The following AREL1 variants were observed in gnomAD, a reference collection of about 807,000 sequenced individuals.
The protein encoded by AREL1 is apoptosis resistant E3 ubiquitin protein ligase 1.
AREL1 carries 62 observed loss-of-function variants against 99.0 expected under a neutral mutation model. The observed-to-expected ratio is 0.63, with a 90% CI of 0.51 to 0.77. The LOEUF is 0.77. Ranked by LOEUF, AREL1 falls within the 30% of genes least tolerant of loss-of-function variation. The probability of loss-of-function intolerance (pLI) is 0.00; values close to 1 mark genes in which losing one functional copy is unlikely to be tolerated. For missense variants in AREL1, 879 were observed against 1,027.6 expected, an observed-to-expected ratio of 0.86 and a Z score of 1.98; for synonymous variants, 380 against 376.5, an observed-to-expected ratio of 1.01 and a Z score of -0.11.
chr14:74,677,069 G>A (rs775909332), intron 5 of AREL1, among the ~76,000 whole-genome samples: 2 of 151,792 alleles, frequency 1.3e-5, no homozygotes, highest in Non-Finnish European at 2.9e-5. Flanking sequence ...AAAGTGCTGG[G>A]ATTACAGGCG....
intron 12 of AREL1, 113 bp downstream of exon 12, chr14:74,671,294 TA>T: frequency 2.4e-6 from 1 of 412,128 alleles, no homozygotes; most frequent in South Asian, 3.5e-5. Context: ...TTTTTTTTTT[TA>T]GGGAGTGAGT....
chr14:74,706,660 G>T (rs966003279), intron 1 of AREL1, among the ~76,000 whole-genome samples: 1 of 152,132 alleles, frequency 6.6e-6, no homozygotes, highest in Admixed American at 6.5e-5. Flanking sequence ...ATTAAGAAGC[G>T]ACCACATGCC....
At position 74,683,461 on chromosome 14, in the gene AREL1, C is replaced by G; in HGVS notation, c.316G>C (p.Glu106Gln). 2 of 1,614,022 alleles carry G rather than the reference C, an allele frequency of 1.2e-6. No homozygotes were observed. Among genetic ancestry groups the G allele is most frequent in the South Asian group, 1.1e-5 (1 of 91,076 alleles). Residue 106 changes from glutamate (E) to glutamine (Q), a missense_variant, in exon 5 of 20, where the codon GAG (glutamate) becomes CAG (glutamine). Glu to Gln is a conservative substitution (Grantham distance 29). Coordinates refer to ENST00000356357, the MANE Select transcript of AREL1 (RefSeq NM_001039479.2). The stretch of plus-strand genomic sequence containing the variant: ...GTCACTGGAATTTCCACTGCTAGCT[C>G]GACATGAGAGATGTGAACTCTTAGT... ...VGLRVHISHV[E>Q]LAVEIPVTQE...
chr14:74,670,007 G>T lies in AREL1; in HGVS notation c.1728C>A (p.Val576=). The T allele has an allele frequency of 6.2e-7, 1 of 1,614,050 alleles. No homozygotes were observed. The highest frequency in any genetic ancestry group is 1.1e-5 in the South Asian group (1 of 91,088). ...GGAAAGAGCGGGTGAAGCGAGCTCG[G>T]ACCAACTGCTTGTAGGCTCCTCCTA... ...SSLGGAYKQL[V]RARFTRSFLA... Residue 576 remains valine, a synonymous_variant, in exon 14 of 20, where the codon GTC becomes GTA. Transcript: ENST00000356357.
rs762039755 is a variant in AREL1, at chr14:74,663,920, G to A, written c.2348C>T (p.Thr783Met). ...CTACCATGTGTGTGCAGTAGGCAGC[G>A]TGCTATGGGTCGGAGCGGCAATAAT... The part of the protein sequence containing the change: ...FQIIAAPTHS[T>M]LPTAHTCFNQ... The change falls in exon 19 of 20, where the codon ACG (threonine) becomes ATG (methionine). Residue 783 changes from threonine (T) to methionine (M), a missense_variant. Transcript: ENST00000356357. The A allele has an allele frequency of 6.8e-6, 11 of 1,614,102 alleles. No homozygotes were observed. The highest frequency in any genetic ancestry group is 3.3e-5 in the Admixed American group (2 of 60,008).
At chr14:74,709,276 A>C (rs2090240217) in intron 1 of AREL1, among the ~76,000 whole-genome samples, 2 of 152,182 alleles carry the variant, frequency 1.3e-5, no homozygotes, top group Admixed American at 6.5e-5. Context: ...ATAAATAATA[A>C]ATAAAAGGTA....
At position 74,675,797 on chromosome 14, in the gene AREL1, T is replaced by C; in HGVS notation, c.982A>G (p.Thr328Ala). 1 of 1,614,156 alleles carries C rather than the reference T, an allele frequency of 6.2e-7. No homozygotes were observed. The highest frequency in any genetic ancestry group is 8.5e-7 in the Non-Finnish European group (1 of 1,180,030). The stretch of plus-strand genomic sequence containing the variant: ...TCTTCATCTTCCTCGTCAACAGCAG[T>C]GGATGGCCGGCGCTGGGAAGAGGTC... ...HMTSSQRRPS[T>A]AVDEEDEDSP... Residue 328 changes from threonine to alanine, a missense_variant, in exon 8 of 20, where the codon ACT (threonine) becomes GCT (alanine). By Grantham distance (58) the Thr-to-Ala change is moderately conservative. Transcript: ENST00000356357.
chr14:74,681,416 T>G (rs1408967699), intron 5 of AREL1, among the ~76,000 whole-genome samples: 4 of 150,988 alleles, frequency 2.6e-5, no homozygotes, highest in African/African-American at 9.8e-5. Flanking sequence ...TTATATAATA[T>G]TCTTCAAATG....
chr14:74,707,240 C>A (rs1007209876), intron 1 of AREL1, among the ~76,000 whole-genome samples: 3 of 151,756 alleles, frequency 2.0e-5, no homozygotes, highest in African/African-American at 7.3e-5. Context: ...TGGTGGCAGG[C>A]GCCTGTAATC....
intron 1 of AREL1, among the ~76,000 whole-genome samples, chr14:74,708,029 T>C (rs1343772901): frequency 2.6e-5 from 4 of 151,344 alleles, no homozygotes; most frequent in South Asian, 2.1e-4. Context: ...AGTTTGGGTA[T>C]AGAAAAAGGA....
intron 1 of AREL1, among the ~76,000 whole-genome samples, chr14:74,707,357 A>G (rs2090198289): frequency 6.8e-6 from 1 of 147,816 alleles, no homozygotes; most frequent in Admixed American, 6.7e-5. Flanking sequence ...GACAAGAGCG[A>G]AACTCCATTT....
chr14:74,678,092 G>T (rs1023647326), intron 5 of AREL1: 1 of 414,130 alleles, frequency 2.4e-6, no homozygotes, highest in Non-Finnish European at 4.7e-6. Context: ...ATTTAGTTAA[G>T]ATTATTCTAA....
In AREL1 at chr14:74,696,109, G is replaced by A. The variant is rs548648939; in HGVS notation, c.-333-3781C>T. On this transcript the variant is annotated intron_variant, in intron 1 of 19. Transcript: ENST00000356357. ...ACAATGGCAGAGCTGAGTAGTTGCA[G>A]CAGAGACATATGGCCCACAAAACTT... Among the ~76,000 whole-genome samples, 8 of 152,248 alleles carry A rather than the reference G, an allele frequency of 5.3e-5. No individual in the cohort carries two copies. The South Asian group carries it at 1.7e-3, about 32-fold the overall frequency.
At chr14:74,664,407 T>C (rs1566676252) in intron 18 of AREL1, among the ~76,000 whole-genome samples, 1 of 151,206 alleles carries the variant, frequency 6.6e-6, no homozygotes, top group Non-Finnish European at 1.5e-5. Context: ...AGAAAACATA[T>C]CAACTGCTTT....
intron 1 of AREL1, among the ~76,000 whole-genome samples, chr14:74,705,885 A>G (rs1471017338): frequency 6.6e-6 from 1 of 152,224 alleles, no homozygotes; most frequent in East Asian, 1.9e-4. Context: ...TTCTCAGCAC[A>G]GTTTAGAGAA....
intron 1 of AREL1, among the ~76,000 whole-genome samples, chr14:74,699,684 T>C (rs2090047445): frequency 6.6e-6 from 1 of 152,206 alleles, no homozygotes; most frequent in Admixed American, 6.5e-5. Flanking sequence ...TTAATTCTTG[T>C]TTATATCAAT....
intron 2 of AREL1, among the ~76,000 whole-genome samples, chr14:74,689,268 C>T (rs2089817519): frequency 2.0e-5 from 3 of 152,152 alleles, no homozygotes; most frequent in African/African-American, 7.2e-5. Context: ...GTATCTACTG[C>T]TACCCCTACC....
chr14:74,710,980 C>T (rs1374023045), intron 1 of AREL1, among the ~76,000 whole-genome samples: 1 of 152,132 alleles, frequency 6.6e-6, no homozygotes, highest in Admixed American at 6.5e-5. Context: ...GCCTGTAATC[C>T]CAGCACTTTG....
intron 11 of AREL1, among the ~76,000 whole-genome samples, chr14:74,672,172 T>C (rs2089363325): frequency 6.6e-6 from 1 of 152,222 alleles, no homozygotes; most frequent in Admixed American, 6.5e-5. Context: ...AAGAAGTTTC[T>C]TCTGTAATCA....
Sources: gnomAD v4.1 joint callset for allele counts (sites outside exome capture counted in the v4.1 genomes callset) on GRCh38, gnomAD v4.1.1 for gene constraint, MANE v1.5 for transcripts, NCBI Gene and HGNC (gene_info 2026-07-23, HGNC 2026-07-21) for gene names.